The following PTPRZ1 variants were observed in gnomAD, a reference collection of about 807,000 sequenced individuals.
PTPRZ1 encodes the protein receptor-type tyrosine-protein phosphatase zeta.
A neutral mutation model predicts 214.1 loss-of-function variants in PTPRZ1; 82 were observed. The observed-to-expected ratio is 0.38, with a 90% CI of 0.32 to 0.46. PTPRZ1 has a LOEUF of 0.46. PTPRZ1 is among the 20% of genes least tolerant of loss of function. The probability of loss-of-function intolerance (pLI) is 1.00; values close to 1 mark genes in which losing one functional copy is unlikely to be tolerated. For missense variants in PTPRZ1, 2,603 were observed against 2,748.7 expected (o/e 0.95, Z 1.19); for synonymous variants, 945 against 987.9 (o/e 0.96, Z 0.81).
chr7:121,927,188 CTACAAG>C (rs1307536822), intron 1 of PTPRZ1, among the ~76,000 whole-genome samples: 1 of 152,182 alleles, frequency 6.6e-6, no homozygotes, highest in East Asian at 1.9e-4. Context: ...GAATAATGTT[CTACAAG>C]TACATTTGTA....
At chr7:121,990,750 C>T (rs1031669513) in intron 8 of PTPRZ1, among the ~76,000 whole-genome samples, 47 of 152,148 alleles carry the variant, frequency 3.1e-4, no homozygotes, top group African/African-American at 1.1e-3. Context: ...GAACTCCTGA[C>T]CTCAGGTGAT....
chr7:122,027,214 G>T (rs1469620049), intron 13 of PTPRZ1, among the ~76,000 whole-genome samples: 1 of 152,128 alleles, frequency 6.6e-6, no homozygotes, highest in Non-Finnish European at 1.5e-5. Context: ...AATGGCAAGA[G>T]TCAAGGCCCT....
intron 1 of PTPRZ1, among the ~76,000 whole-genome samples, chr7:121,912,739 G>C (rs905582113): frequency 7.9e-5 from 12 of 152,118 alleles, no homozygotes; most frequent in Admixed American, 5.2e-4. Context: ...GAGATACAAT[G>C]AGAAAGACGA....
intron 1 of PTPRZ1, among the ~76,000 whole-genome samples, chr7:121,887,337 C>T (rs115886520): frequency 0.013 from 2,046 of 152,220 alleles, 43 homozygotes; most frequent in African/African-American, 0.047. Flanking sequence ...AAATGTTAAA[C>T]GTTGCTACCA....
intron 11 of PTPRZ1, among the ~76,000 whole-genome samples, chr7:122,006,890 G>A (rs1020353362): frequency 6.6e-6 from 1 of 152,062 alleles, no homozygotes; most frequent in African/African-American, 2.4e-5. Context: ...AATTATATCA[G>A]GGACTCGTTG....
At chr7:122,033,626 C>T (rs1370908857) in intron 15 of PTPRZ1, among the ~76,000 whole-genome samples, 1 of 151,802 alleles carries the variant, frequency 6.6e-6, no homozygotes, top group Non-Finnish European at 1.5e-5. Context: ...GTTTTGATAG[C>T]CTTAAATCTG....
intron 2 of PTPRZ1, among the ~76,000 whole-genome samples, chr7:121,954,012 C>T (rs1174403133): frequency 2.6e-5 from 4 of 152,204 alleles, no homozygotes; most frequent in Admixed American, 1.3e-4. Context: ...TCTGTCTCCA[C>T]CCCACAGCTA....
At chr7:122,026,317 A>C (rs1422219271) in intron 13 of PTPRZ1, among the ~76,000 whole-genome samples, 1 of 152,210 alleles carries the variant, frequency 6.6e-6, no homozygotes, top group Non-Finnish European at 1.5e-5. Flanking sequence ...TTACAACGTT[A>C]AGATTCGTTG....
rs551086697 is a variant in PTPRZ1 at position 122,000,774 on chromosome 7, C to T, written c.1240+2768C>T. Among the ~76,000 whole-genome samples, 16 of 147,328 alleles carry T rather than the reference C, an allele frequency of 1.1e-4. No homozygotes were observed. The South Asian group carries it at 3.2e-3, about 30-fold the overall frequency. ...CAATCTTGGCCTGCTGCACCCTCCA[C>T]CTCCTGGGTTCAAGCGATTCTCCTG... On this transcript the variant is annotated intron_variant, in intron 10 of 29. Coordinates refer to ENST00000393386, the MANE Select transcript of PTPRZ1 (RefSeq NM_002851.3).
At chr7:121,993,206 T>C (rs1050292586) in intron 8 of PTPRZ1, among the ~76,000 whole-genome samples, 2 of 152,142 alleles carry the variant, frequency 1.3e-5, no homozygotes, top group South Asian at 2.1e-4. Context: ...AAAAATGTTA[T>C]TGATTTTCAA....
chr7:122,012,862 T>A lies in PTPRZ1; in HGVS notation c.3816T>A (p.Val1272=). 1 of 1,614,092 alleles carries A rather than the reference T, an allele frequency of 6.2e-7. No individual in the cohort carries two copies. Among genetic ancestry groups the A allele is most frequent in the Non-Finnish European group, 8.5e-7 (1 of 1,179,956 alleles). Residue 1272 remains valine, a synonymous_variant, in exon 12 of 30, where the codon GTT becomes GTA. Transcript: ENST00000393386. ...ISYASEKYEP[V]LLKSESSHQV... ...ATGCAAGTGAGAAATATGAACCAGT[T>A]TTGTTAAAAAGTGAAAGTTCCCACC...
At position 122,034,387 on chromosome 7, in the gene PTPRZ1, A is replaced by G. The variant is rs1262141547; in HGVS notation, c.5284+9A>G. On this transcript the variant is annotated intron_variant, in intron 17 of 29. Transcript: ENST00000393386. ...CATAAATATCGTTGCCTGTAAGTAT[A>G]TTCTTAAATCAGCTCTGACTTCAAT... The G allele has an allele frequency of 6.2e-7, 1 of 1,609,868 alleles. No individual in the cohort carries two copies. The highest frequency in any genetic ancestry group is 1.7e-5 in the Admixed American group (1 of 59,588).
chr7:121,983,456 G>C (rs1480274589), intron 6 of PTPRZ1, among the ~76,000 whole-genome samples: 5 of 152,176 alleles, frequency 3.3e-5, no homozygotes, highest in Non-Finnish European at 5.9e-5. Flanking sequence ...TTGATGTAAA[G>C]ATAAGTCATC....
intron 2 of PTPRZ1, among the ~76,000 whole-genome samples, chr7:121,952,562 T>C (rs1796587179): frequency 1.3e-5 from 2 of 152,046 alleles, no homozygotes; most frequent in Non-Finnish European, 2.9e-5. Context: ...TTCCAGCCTG[T>C]GTGACAGAAT....
intron 1 of PTPRZ1, among the ~76,000 whole-genome samples, chr7:121,907,651 A>G (rs1241245037): frequency 1.3e-5 from 2 of 152,020 alleles, no homozygotes; most frequent in South Asian, 2.1e-4. Flanking sequence ...ATCTTTGGAA[A>G]GGCCTAAACT....
chr7:121,948,490 A>G (rs1441216219), intron 2 of PTPRZ1, among the ~76,000 whole-genome samples: 1 of 152,162 alleles, frequency 6.6e-6, no homozygotes. Context: ...ACATGTTGAT[A>G]TGATAGACAA....
chr7:121,967,871 A>T, intron 2 of PTPRZ1, 80 bp from the exon 3 acceptor site: 1 of 967,398 alleles, frequency 1.0e-6, no homozygotes, highest in South Asian at 1.6e-5. Flanking sequence ...ATTTTTATGT[A>T]ATGTATTAAC....
In PTPRZ1 at chr7:121,884,362, A is replaced by G. The variant is rs1436355465; in HGVS notation, c.58+10805A>G. Among the ~76,000 whole-genome samples the G allele has an allele frequency of 2.6e-5, 4 of 152,190 alleles. No homozygotes were observed. In the East Asian group the frequency reaches 7.7e-4, roughly 29 times the overall value. ...CATATAAATGCATATATGTAAGTGC[A>G]TATATATACACAAATGCACGTGTAT... is the stretch of plus-strand genomic sequence containing the variant. On this transcript the variant is annotated intron_variant, in intron 1 of 29. Coordinates refer to ENST00000393386, the MANE Select transcript of PTPRZ1 (RefSeq NM_002851.3).
chr7:121,998,250 C>A (rs1395716374), intron 10 of PTPRZ1, among the ~76,000 whole-genome samples: 1 of 151,982 alleles, frequency 6.6e-6, no homozygotes, highest in Non-Finnish European at 1.5e-5. Flanking sequence ...ATAAGAGTGA[C>A]TAAACATATT....
Sources: allele counts gnomAD v4.1 joint callset (sites outside exome capture counted in the v4.1 genomes callset), GRCh38; gene constraint gnomAD v4.1.1; transcripts MANE v1.5; gene names NCBI Gene and HGNC (gene_info 2026-07-23, HGNC 2026-07-21).